C7orf78: variants seen among roughly 807,000 people sequenced by gnomAD.
The protein encoded by C7orf78 is putative uncharacterized protein C7orf78.
chr7:12,521,284 T>C, the C7orf78 span, among the ~76,000 whole-genome samples: 7 of 152,106 alleles, frequency 4.6e-5, no homozygotes, highest in Non-Finnish European at 1.0e-4. Context: ...TTTGTATATA[T>C]TATTTTTTCT....
At chr7:12,506,974 G>A in the C7orf78 span, 1 of 472,110 alleles carries the variant, frequency 2.1e-6, no homozygotes, top group African/African-American at 2.0e-5. Flanking sequence ...GACAACATGA[G>A]GAAGCAAATA....
At chr7:12,530,131 G>T in the C7orf78 span, among the ~76,000 whole-genome samples, 1 of 152,084 alleles carries the variant, frequency 6.6e-6, no homozygotes, top group South Asian at 2.1e-4. Context: ...TCCCCAATTG[G>T]CAACTGGTTG....
At chr7:12,489,550 G>A in the C7orf78 span, among the ~76,000 whole-genome samples, 6 of 151,992 alleles carry the variant, frequency 3.9e-5, no homozygotes, top group East Asian at 3.9e-4. Flanking sequence ...TATGCAGATC[G>A]CACTTATTTT....
At chr7:12,483,348 G>C in the C7orf78 span, 4 of 152,106 alleles carry the variant, frequency 2.6e-5, no homozygotes, top group Admixed American at 1.3e-4. Flanking sequence ...GTTGGGCATG[G>C]AGCTTTTCAT....
At chr7:12,517,317 C>G in the C7orf78 span, among the ~76,000 whole-genome samples, 3 of 152,132 alleles carry the variant, frequency 2.0e-5, no homozygotes, top group African/African-American at 7.2e-5. Flanking sequence ...GATTCTGAGG[C>G]CTCCCCAGCC....
the C7orf78 span, among the ~76,000 whole-genome samples, chr7:12,492,930 C>T: frequency 6.6e-6 from 1 of 152,152 alleles, no homozygotes; most frequent in African/African-American, 2.4e-5. Flanking sequence ...CACACTGGTG[C>T]GGTGGCTCAT....
the C7orf78 span, among the ~76,000 whole-genome samples, chr7:12,515,504 TG>T: frequency 6.6e-6 from 1 of 151,630 alleles, no homozygotes; most frequent in Non-Finnish European, 1.5e-5. Context: ...ATCAGAAGAG[TG>T]GGGTGTTGCT....
chr7:12,512,857 A>G, the C7orf78 span, among the ~76,000 whole-genome samples: 1 of 152,182 alleles, frequency 6.6e-6, no homozygotes, highest in East Asian at 1.9e-4. Flanking sequence ...ATTACTACTT[A>G]TTAGTCTGTT....
At chr7:12,513,758 T>C in the C7orf78 span, among the ~76,000 whole-genome samples, 1 of 151,564 alleles carries the variant, frequency 6.6e-6, no homozygotes, top group African/African-American at 2.4e-5. Flanking sequence ...CCCAGCACTT[T>C]GGGAGGCCGA....
the C7orf78 span, among the ~76,000 whole-genome samples, chr7:12,500,607 G>C: frequency 1.3e-5 from 2 of 151,410 alleles, no homozygotes; most frequent in East Asian, 1.9e-4. Context: ...CAACCAAAAA[G>C]AGTCCAGGAC....
chr7:12,526,988 T>C, the C7orf78 span, among the ~76,000 whole-genome samples: 17 of 144,512 alleles, frequency 1.2e-4, no homozygotes, highest in South Asian at 4.4e-4. Flanking sequence ...GAAAATGCCA[T>C]CTAGCTGTGT....
At chr7:12,517,767 C>G in the C7orf78 span, among the ~76,000 whole-genome samples, 1 of 152,018 alleles carries the variant, frequency 6.6e-6, no homozygotes, top group Admixed American at 6.5e-5. Context: ...TGGTAAATTT[C>G]TCATTCATAT....
chr7:12,497,700 A>G, the C7orf78 span, among the ~76,000 whole-genome samples: 1 of 152,118 alleles, frequency 6.6e-6, no homozygotes, highest in Admixed American at 6.5e-5. Context: ...TAAACAAAGC[A>G]GCTGGGAAGC....
the C7orf78 span, among the ~76,000 whole-genome samples, chr7:12,537,956 A>G: frequency 6.6e-6 from 1 of 152,176 alleles, no homozygotes; most frequent in Non-Finnish European, 1.5e-5. Context: ...TTCCATTTAT[A>G]TAAAGGAAAA....
the C7orf78 span, among the ~76,000 whole-genome samples, chr7:12,493,736 T>C: frequency 2.0e-5 from 3 of 152,154 alleles, no homozygotes; most frequent in African/African-American, 7.2e-5. Context: ...ATCTGTAAAA[T>C]GAGATAATAA....
the C7orf78 span, among the ~76,000 whole-genome samples, chr7:12,527,481 T>C: frequency 2.3e-5 from 2 of 88,358 alleles, no homozygotes; most frequent in East Asian, 6.6e-4. Flanking sequence ...GTAATTGAAA[T>C]GGAACATGTC....
At chr7:12,519,012 G>A in the C7orf78 span, among the ~76,000 whole-genome samples, 1 of 152,114 alleles carries the variant, frequency 6.6e-6, no homozygotes, top group Non-Finnish European at 1.5e-5. Flanking sequence ...GATTGGCACA[G>A]GGAGTCTCCA....
chr7:12,501,364 A>G, the C7orf78 span, among the ~76,000 whole-genome samples: 3 of 149,272 alleles, frequency 2.0e-5, no homozygotes, highest in South Asian at 6.4e-4. Context: ...CCTTAAGCTG[A>G]TAAGCAACTT....
the C7orf78 span, among the ~76,000 whole-genome samples, chr7:12,520,124 G>C: frequency 1.3e-5 from 2 of 152,194 alleles, no homozygotes; most frequent in African/African-American, 4.8e-5. Context: ...TCTGCAAAAA[G>C]GAGCCCCTAT....
Sources: allele counts gnomAD v4.1 joint callset (sites outside exome capture counted in the v4.1 genomes callset), GRCh38; gene constraint gnomAD v4.1.1; transcripts MANE v1.5; gene names NCBI Gene and HGNC (gene_info 2026-07-23, HGNC 2026-07-21).